Variants in PDE1A observed in about 807,000 individuals in gnomAD.
The protein encoded by PDE1A is dual specificity calcium/calmodulin-dependent 3',5'-cyclic nucleotide phosphodiesterase 1A.
PDE1A carries 35 observed loss-of-function variants against 61.7 expected under a neutral mutation model. The ratio of observed to expected loss-of-function variants is 0.57; its 90% CI spans 0.43 to 0.75. PDE1A has a LOEUF of 0.75. Among genes scored for constraint, PDE1A ranks in the 30% least tolerant of loss-of-function variants. The pLI, the probability that PDE1A is intolerant of heterozygous loss-of-function variation, is 0.00. For synonymous variants in PDE1A, 232 were observed against 213.2 expected, an observed-to-expected ratio of 1.09 and a Z score of -0.77; for missense variants, 597 against 630.6, an observed-to-expected ratio of 0.95 and a Z score of 0.57.
intron 1 of PDE1A, among the ~76,000 whole-genome samples, chr2:182,385,004 A>C (rs1159884793): frequency 6.6e-6 from 1 of 152,186 alleles, no homozygotes; most frequent in Non-Finnish European, 1.5e-5. Flanking sequence ...AGGCCAGGAG[A>C]GGGCAGAATG....
At chr2:182,355,176 T>C (rs961310255) in intron 1 of PDE1A, among the ~76,000 whole-genome samples, 1 of 151,978 alleles carries the variant, frequency 6.6e-6, no homozygotes, top group Non-Finnish European at 1.5e-5. Flanking sequence ...GAAATGTATA[T>C]ATGTAAATAT....
the PDE1A span, among the ~76,000 whole-genome samples, chr2:182,613,265 C>G: frequency 6.6e-6 from 1 of 152,118 alleles, no homozygotes; most frequent in East Asian, 1.9e-4. Context: ...CTTCAAATAA[C>G]ATCATTAAAT....
At chr2:182,278,831 G>A (rs986750875) in intron 1 of PDE1A, among the ~76,000 whole-genome samples, 1 of 151,936 alleles carries the variant, frequency 6.6e-6, no homozygotes, top group Non-Finnish European at 1.5e-5. Context: ...ACTAACCCAA[G>A]AATATGTGAA....
At chr2:182,567,942 G>A in the PDE1A span, among the ~76,000 whole-genome samples, 16 of 151,478 alleles carry the variant, frequency 1.1e-4, no homozygotes, top group African/African-American at 2.9e-4. Flanking sequence ...AGAGGCGCCC[G>A]CCACCACGCC....
intron 2 of PDE1A, among the ~76,000 whole-genome samples, chr2:182,476,751 G>A (rs2125828903): frequency 1.3e-5 from 2 of 151,828 alleles, no homozygotes; most frequent in Middle Eastern, 3.4e-3. Flanking sequence ...AAAGGAGCTT[G>A]GGCAAGTTTA....
Position 182,357,460 on chromosome 2 carries a change from A to G in PDE1A, c.53+69118T>C, listed in dbSNP as rs1342359147. Among the ~76,000 whole-genome samples, 3 of 152,102 alleles carry G rather than the reference A, an allele frequency of 2.0e-5. No individual in the cohort carries two copies. The East Asian group carries it at 5.8e-4, about 29-fold the overall frequency. ...AAGCTTAAAAAACAGTATTGCATGG[A>G]TAATCACAAATTCATTGACCTTTCT... On this transcript the variant is annotated intron_variant, in intron 1 of 13. Transcript: ENST00000351439.
intron 7 of PDE1A, among the ~76,000 whole-genome samples, chr2:182,219,001 G>T (rs1215994836): frequency 6.6e-6 from 1 of 152,070 alleles, no homozygotes; most frequent in East Asian, 1.9e-4. Context: ...ATTCAAGAGT[G>T]TTGATACCAT....
At chr2:182,674,798 TTTTG>T in the PDE1A span, among the ~76,000 whole-genome samples, 1 of 152,092 alleles carries the variant, frequency 6.6e-6, no homozygotes, top group Non-Finnish European at 1.5e-5. Flanking sequence ...ATCTTTTTTG[TTTTG>T]TTTTTTGTTT....
At chr2:182,283,841 T>C (rs1046751309) in intron 1 of PDE1A, among the ~76,000 whole-genome samples, 1 of 152,128 alleles carries the variant, frequency 6.6e-6, no homozygotes, top group African/African-American at 2.4e-5. Context: ...TAGGACTCTA[T>C]GAAAAGCGTC....
the PDE1A span, among the ~76,000 whole-genome samples, chr2:182,670,649 T>G: frequency 6.6e-6 from 1 of 152,186 alleles, no homozygotes; most frequent in Non-Finnish European, 1.5e-5. Context: ...TCTCCAGACA[T>G]TCTTATTTAG....
the PDE1A span, among the ~76,000 whole-genome samples, chr2:182,676,546 A>T: frequency 2.0e-5 from 3 of 151,948 alleles, no homozygotes; most frequent in African/African-American, 7.3e-5. Flanking sequence ...AAGAGGAGGG[A>T]CTCCTCCCCA....
chr2:182,294,151 G>C (rs1452534409), intron 1 of PDE1A, among the ~76,000 whole-genome samples: 4 of 152,178 alleles, frequency 2.6e-5, no homozygotes, highest in Non-Finnish European at 5.9e-5. Context: ...TTTATTTCTA[G>C]AATTTTCCAT....
At chr2:182,554,997 T>A in the PDE1A span, among the ~76,000 whole-genome samples, 1 of 152,350 alleles carries the variant, frequency 6.6e-6, no homozygotes, top group Non-Finnish European at 1.5e-5. Flanking sequence ...GTTGAAATAT[T>A]GAATCTATAA....
chr2:182,372,192 G>A (rs941742190), intron 1 of PDE1A, among the ~76,000 whole-genome samples: 6 of 152,196 alleles, frequency 3.9e-5, no homozygotes, highest in Admixed American at 3.3e-4. Context: ...CAGTAAAACT[G>A]TGGTTTTATT....
chr2:182,486,740 T>C (rs1218343777), intron 2 of PDE1A, among the ~76,000 whole-genome samples: 2 of 152,236 alleles, frequency 1.3e-5, no homozygotes, highest in Middle Eastern at 3.4e-3. Context: ...TGCAAAAATA[T>C]GACTTTCGGC....
At chr2:182,155,609 G>A (rs1391565406) in intron 13 of PDE1A, among the ~76,000 whole-genome samples, 5 of 152,170 alleles carry the variant, frequency 3.3e-5, no homozygotes, top group East Asian at 3.8e-4. Context: ...CCACATGTCA[G>A]CCAGGTGCAG....
chr2:182,630,563 A>C, the PDE1A span, among the ~76,000 whole-genome samples: 76,082 of 151,642 alleles, frequency 0.5, 19,903 homozygotes, highest in Admixed American at 0.63. Flanking sequence ...TTTAAAAAAA[A>C]AAAAACTTAC....
At chr2:182,172,437 A>G (rs1692313283) in intron 13 of PDE1A, among the ~76,000 whole-genome samples, 1 of 152,050 alleles carries the variant, frequency 6.6e-6, no homozygotes, top group Admixed American at 6.6e-5. Context: ...TAGTTTTTAC[A>G]TTTGTAACAT....
At chr2:182,547,001 T>C in the PDE1A span, among the ~76,000 whole-genome samples, 2 of 152,194 alleles carry the variant, frequency 1.3e-5, no homozygotes, top group South Asian at 4.1e-4. Flanking sequence ...ATCAAAAAAA[T>C]GATTAAGAGG....
Sources: allele counts gnomAD v4.1 joint callset (sites outside exome capture counted in the v4.1 genomes callset), GRCh38; gene constraint gnomAD v4.1.1; transcripts MANE v1.5; gene names NCBI Gene and HGNC (gene_info 2026-07-23, HGNC 2026-07-21).